Variants in IL5RA observed in about 807,000 individuals in gnomAD.
IL5RA encodes interleukin 5 receptor subunit alpha.
IL5RA carries 49 observed loss-of-function variants against 50.0 expected under a neutral mutation model. The ratio of observed to expected loss-of-function variants is 0.98; its 90% CI spans 0.78 to 1.24. The LOEUF is 1.24. IL5RA is among the 50% of genes most tolerant of loss of function. The pLI, the probability that IL5RA is intolerant of heterozygous loss-of-function variation, is 0.00. For synonymous variants in IL5RA, 202 were observed against 174.0 expected (o/e 1.16, Z -1.26); for missense variants, 600 against 500.4 (o/e 1.20, Z -1.90).
intron 2 of IL5RA, among the ~76,000 whole-genome samples, chr3:3,108,120 A>T (rs1055527080): frequency 3.9e-5 from 6 of 152,166 alleles, no homozygotes; most frequent in African/African-American, 1.2e-4. Flanking sequence ...TGAAGAGTTT[A>T]CTTTCTCTTT....
chr3:3,109,169 C>CT (rs536501156), intron 1 of IL5RA, among the ~76,000 whole-genome samples: 124 of 152,002 alleles, frequency 8.2e-4, no homozygotes, highest in Non-Finnish European at 1.4e-3. Context: ...CCATTTCATC[C>CT]TTTTTTCTGT....
Position 3,092,423 on chromosome 3 carries a change from A to G in IL5RA, c.856-61T>C. 6.6e-7 allele frequency: 1 copy of G among 1,515,776 alleles called. No individual in the cohort carries two copies. Among genetic ancestry groups the G allele is most frequent in the Non-Finnish European group, 9.1e-7 (1 of 1,104,688 alleles). The allele number at this position is 1,515,776 out of a possible 1,614,324, so 93.9% of individuals were successfully genotyped here. ...GACACCTAATTTAGTTCTGCCGATT[A>G]TCAGAATGGGAGGTCCTATATAGGT... On this transcript the variant is annotated intron_variant, in intron 8 of 11. Coordinates refer to ENST00000446632, the MANE Select transcript of IL5RA (RefSeq NM_175726.4). This position sits in a 1 kb window ranked among gnomAD's most constrained non-coding sequence, Gnocchi z 4.2.
At chr3:3,088,980 T>A (rs1702983459) in intron 9 of IL5RA, among the ~76,000 whole-genome samples, 1 of 152,190 alleles carries the variant, frequency 6.6e-6, no homozygotes. Flanking sequence ...CTCGTATTTG[T>A]TTCCCTCCTG....
At chr3:3,071,552 AGTGTGTGTGTGTGTGTGTGTGTGTGT>A (rs55736610) in intron 11 of IL5RA, among the ~76,000 whole-genome samples, 13 of 136,064 alleles carry the variant, frequency 9.6e-5, no homozygotes, top group Middle Eastern at 3.9e-3. Flanking sequence ...CTTCCTTCAC[AGTGTGTGTGTGTGTGTGTGTGTGTGT>A]GTGTGTGTGT....
rs577634630 is a variant in IL5RA at position 3,105,712 on chromosome 3, T to G, written c.-3-725A>C. The stretch of plus-strand genomic sequence containing the variant: ...GGGGAAAATAAAGACAGTATTTCTA[T>G]GTCCTTGAAACAATTGGGCAATGAG... On this transcript the variant is annotated intron_variant, in intron 2 of 11. Coordinates refer to ENST00000446632, the MANE Select transcript of IL5RA (RefSeq NM_175726.4). Among the ~76,000 whole-genome samples, 4 of 147,670 alleles carry G rather than the reference T, an allele frequency of 2.7e-5. No homozygotes were observed. The East Asian group carries it at 7.8e-4, about 29-fold the overall frequency.
In IL5RA at chr3:3,101,834, A is replaced by T. The variant is rs769890123; in HGVS notation, c.229-4T>A. On this transcript the variant is annotated splice_polypyrimidine_tract_variant and splice_region_variant and intron_variant, in intron 4 of 11. Coordinates refer to ENST00000446632, the MANE Select transcript of IL5RA (RefSeq NM_175726.4). ...TTTCAGTGATTCTGGTTTCATACTAAAAATAAAACCCACAAGTCATGATAC... is the reference window on the plus strand; with the variant it reads ...TTTCAGTGATTCTGGTTTCATACTATAAATAAAACCCACAAGTCATGATAC... The T allele has an allele frequency of 1.2e-5, 19 of 1,612,932 alleles. No homozygotes were observed. Among genetic ancestry groups the T allele is most frequent in the Non-Finnish European group, 1.6e-5 (19 of 1,179,594 alleles).
chr3:3,098,541 G>A (rs755317804), intron 5 of IL5RA, among the ~76,000 whole-genome samples: 20 of 152,054 alleles, frequency 1.3e-4, no homozygotes, highest in Admixed American at 2.0e-4. Context: ...CCAAGTAGCT[G>A]AGATGACAGG....
At chr3:3,104,597 C>G (rs1369352920) in intron 3 of IL5RA, among the ~76,000 whole-genome samples, 1 of 152,138 alleles carries the variant, frequency 6.6e-6, no homozygotes, top group Non-Finnish European at 1.5e-5. Flanking sequence ...ATGGGGCCTT[C>G]TAACTACTCC....
intron 9 of IL5RA, among the ~76,000 whole-genome samples, chr3:3,079,708 C>A (rs1163429207): frequency 6.6e-6 from 1 of 152,172 alleles, no homozygotes; most frequent in African/African-American, 2.4e-5. Context: ...ACTTCATGTA[C>A]ACATACCTTT....
At position 3,098,207 on chromosome 3, in the gene IL5RA, C is replaced by T. The variant is rs780730664; in HGVS notation, c.451G>A (p.Val151Ile). 1 of 1,614,104 alleles carries T rather than the reference C, an allele frequency of 6.2e-7. No homozygotes were observed. Among genetic ancestry groups the T allele is most frequent in the Non-Finnish European group, 8.5e-7 (1 of 1,179,992 alleles). ...ACAAGCCAGGTGCAGTGAAGGGAAA[C>T]TTGGTATGACCTTAAACGTGAATAA... ...DNYSRLRSYQ[V>I]SLHCTWLVGT... The change falls in exon 6 of 12, where the codon GTT becomes ATT. Residue 151 changes from valine (V) to isoleucine (I), a missense_variant. Val to Ile is a conservative substitution (Grantham distance 29, BLOSUM62 3). Transcript: ENST00000446632.
chr3:3,098,399 A>G (rs1703466718), intron 5 of IL5RA, 109 bp from the exon 6 acceptor site: 1 of 926,288 alleles, frequency 1.1e-6, no homozygotes, highest in South Asian at 1.6e-5. Flanking sequence ...ACCAAAAAAT[A>G]ATCATCTTCA....
chr3:3,092,725 T>C lies in IL5RA; in HGVS notation c.856-363A>G, dbSNP rs749167794. Among the ~76,000 whole-genome samples the C allele has an allele frequency of 6.6e-6, 1 of 152,198 alleles. No homozygotes were observed. The highest frequency in any genetic ancestry group is 1.5e-5 in the Non-Finnish European group (1 of 68,038). On this transcript the variant is annotated intron_variant, in intron 8 of 11. Transcript: ENST00000446632. This position sits in a 1 kb window ranked among gnomAD's most constrained non-coding sequence, Gnocchi z 4.2. ...TCTATAGTCACATTACTAAATAATG[T>C]CACATGAACGCTAGATTGTCTAGTG... is the stretch of plus-strand genomic sequence containing the variant.
chr3:3,069,993 A>G lies in IL5RA; in HGVS notation c.*232T>C, dbSNP rs77227680. Reference sequence around the variant, plus strand: ...ACCCTGTACGGCATGGGGAGAAAAAACATGGCAAAATGCTTGGATGAGTCA... The same window carrying G: ...ACCCTGTACGGCATGGGGAGAAAAAGCATGGCAAAATGCTTGGATGAGTCA... On this transcript the variant is annotated 3_prime_UTR_variant, in exon 12 of 12. Coordinates refer to ENST00000446632, the MANE Select transcript of IL5RA (RefSeq NM_175726.4). 5.4e-4 allele frequency: 241 copies of G among 446,024 alleles called. No individual in the cohort carries two copies. The East Asian group carries it at 9.5e-3, about 18-fold the overall frequency. 27.6% of individuals were successfully genotyped at this position (446,024 alleles called of 1,614,324 possible). A position where few individuals can be genotyped will look rare whatever the true frequency, so the allele number is the denominator to read the frequency against.
chr3:3,093,525 A>C (rs1703225839), intron 8 of IL5RA, among the ~76,000 whole-genome samples: 1 of 152,252 alleles, frequency 6.6e-6, no homozygotes, highest in Admixed American at 6.5e-5. Context: ...AATCTATGGT[A>C]GATTAGACAT....
intron 11 of IL5RA, among the ~76,000 whole-genome samples, chr3:3,071,347 G>C (rs1011608490): frequency 2.6e-5 from 4 of 152,200 alleles, no homozygotes; most frequent in Non-Finnish European, 5.9e-5. Flanking sequence ...GCTCAGGCCA[G>C]GTGGCGTGGC....
At chr3:3,102,585 TTTTTAATCCAAAA>T (rs1703707348) in intron 4 of IL5RA, 77 bp downstream of exon 4, 1 of 928,332 alleles carries the variant, frequency 1.1e-6, no homozygotes. Context: ...TAATTTTATT[TTTTTAATCCAAAA>T]TTTTATTTGA....
At chr3:3,088,114 G>A (rs1445191598) in intron 9 of IL5RA, among the ~76,000 whole-genome samples, 2 of 152,168 alleles carry the variant, frequency 1.3e-5, no homozygotes, top group Non-Finnish European at 2.9e-5. Flanking sequence ...ATTCAAACTA[G>A]GAAGGTGTTA....
intron 11 of IL5RA, 126 bp from the exon 12 acceptor site, chr3:3,070,437 T>G (rs1559858115): frequency 3.2e-6 from 2 of 634,032 alleles, no homozygotes; most frequent in East Asian, 5.8e-5. Flanking sequence ...AAAGAAGATG[T>G]GAAAAATAAA....
intron 9 of IL5RA, chr3:3,090,283 C>G: frequency 4.7e-6 from 7 of 1,483,004 alleles, no homozygotes; most frequent in Non-Finnish European, 6.5e-6. Context: ...AATTATTTGT[C>G]TGGGGATACA....
Sources: allele counts gnomAD v4.1 joint callset (sites outside exome capture counted in the v4.1 genomes callset), GRCh38; gene constraint gnomAD v4.1.1; non-coding constraint Gnocchi (gnomAD v3.1); transcripts MANE v1.5; gene names NCBI Gene and HGNC (gene_info 2026-07-23, HGNC 2026-07-21).